APCDD1: variants seen among roughly 807,000 people sequenced by gnomAD.
APCDD1 encodes protein APCDD1.
Under a neutral mutation model 38.1 loss-of-function variants are expected in APCDD1, and 15 were observed. The ratio of observed to expected loss-of-function variants is 0.39; its 90% CI spans 0.26 to 0.61. The LOEUF (loss-of-function observed/expected upper bound fraction) is 0.61. Among genes scored for constraint, APCDD1 ranks in the 20% least tolerant of loss-of-function variants. The pLI is 0.49. For synonymous variants in APCDD1, 261 were observed against 279.7 expected (o/e 0.93, Z 0.67); for missense variants, 647 against 696.2 (o/e 0.93, Z 0.79).
chr18:10,462,629 C>A, intron 1 of APCDD1, among the ~76,000 whole-genome samples: 1 of 42,514 alleles, frequency 2.4e-5, no homozygotes, highest in Non-Finnish European at 5.4e-5. Flanking sequence ...TTCCTTCCCT[C>A]CTTCCTTCCC....
rs1598396616 is a variant in APCDD1 at position 10,468,454 on chromosome 18, A to G, written c.59-15A>G. ...TACTTCTTCTTTTGGCTAACTTTCC[A>G]CCTTTATTTTTCAGGGCTGGGAGAG... On this transcript the variant is annotated splice_polypyrimidine_tract_variant and intron_variant, in intron 1 of 4. Coordinates refer to ENST00000355285, the MANE Select transcript of APCDD1 (RefSeq NM_153000.5). 1 of 1,613,960 alleles carries G rather than the reference A, an allele frequency of 6.2e-7. No individual in the cohort carries two copies. The highest frequency in any genetic ancestry group is 8.5e-7 in the Non-Finnish European group (1 of 1,179,982).
Position 10,487,823 on chromosome 18 carries a change from A to C in APCDD1, c.1330A>C (p.Ser444Arg), listed in dbSNP as rs1299291263. The C allele has an allele frequency of 1.2e-6, 2 of 1,614,052 alleles. No homozygotes were observed. The highest frequency in any genetic ancestry group is 2.2e-5 in the South Asian group (2 of 91,090). ...TCTGCTGTTCAACGGTCAGAGGCCC[A>C]GCGACGGGTCCAGCCCAGACAGGCC... is the stretch of plus-strand genomic sequence containing the variant. ...RYLLFNGQRP[S>R]DGSSPDRPEK... is the part of the protein sequence containing the mutation. The change falls in exon 5 of 5, where the codon AGC (serine) becomes CGC (arginine). Residue 444 changes from serine (S) to arginine (R), a missense_variant. Physicochemically the swap from Ser to Arg is moderately radical, Grantham distance 110. Transcript: ENST00000355285.
In APCDD1 at chr18:10,472,140, G is replaced by A. The variant is rs2030877011; in HGVS notation, c.774+79G>A. On this transcript the variant is annotated intron_variant, in intron 3 of 4. Coordinates refer to ENST00000355285, the MANE Select transcript of APCDD1 (RefSeq NM_153000.5). The surrounding 1 kb of genome is among the most constrained non-coding windows in gnomAD (Gnocchi z 6.6). ...TTAAAGGCTTGCCATGGGGGCTCTA[G>A]GGCACCCTTGAAAGGGGGAATTCTG... 1.9e-6 allele frequency: 3 copies of A among 1,590,458 alleles called. No homozygotes were observed. The South Asian group carries it at 3.3e-5, about 18-fold the overall frequency.
chr18:10,480,162 G>C (rs909628496), intron 3 of APCDD1, among the ~76,000 whole-genome samples: 5 of 152,150 alleles, frequency 3.3e-5, no homozygotes, highest in African/African-American at 1.2e-4. Context: ...GAGCCTGGGA[G>C]AGGACACTTC....
rs2030770529 is a variant in APCDD1 at position 10,468,487 on chromosome 18, C to T, written c.77C>T (p.Ala26Val). The T allele has an allele frequency of 6.2e-7, 1 of 1,614,126 alleles. No homozygotes were observed. Among genetic ancestry groups the T allele is most frequent in the East Asian group, 2.2e-5 (1 of 44,886 alleles). Residue 26 changes from alanine (A) to valine (V), a missense_variant, in exon 2 of 5, where the codon GCC becomes GTC. Physicochemically the swap from Ala to Val is moderately conservative, Grantham distance 64 (BLOSUM62 0). Transcript: ENST00000355285. ...TTTTCAGGGCTGGGAGAGGGTTCTG[C>T]CCTCCTTCATCCAGACAGCAGGTCT... ...LLLHGLGEGSALLHPDSRSHP... is the reference protein window; with the variant it reads ...LLLHGLGEGSVLLHPDSRSHP...
intron 1 of APCDD1, among the ~76,000 whole-genome samples, chr18:10,457,431 T>C (rs1297524003): frequency 6.6e-6 from 1 of 152,228 alleles, no homozygotes; most frequent in African/African-American, 2.4e-5. Flanking sequence ...AGATGGAGTG[T>C]GATCATATAT....
intron 1 of APCDD1, among the ~76,000 whole-genome samples, chr18:10,459,932 G>A (rs2030487707): frequency 6.6e-6 from 1 of 152,160 alleles, no homozygotes; most frequent in South Asian, 2.1e-4. Flanking sequence ...CTTGCAAAAT[G>A]AACAGAAAAG....
rs955474942 is a variant in APCDD1 at position 10,467,508 on chromosome 18, C to T, written c.59-961C>T. Among the ~76,000 whole-genome samples the T allele has an allele frequency of 2.0e-5, 3 of 152,242 alleles. No individual in the cohort carries two copies. The highest frequency in any genetic ancestry group is 4.2e-4 in the South Asian group (2 of 4,814). On this transcript the variant is annotated intron_variant, in intron 1 of 4. Coordinates refer to ENST00000355285, the MANE Select transcript of APCDD1 (RefSeq NM_153000.5). This position sits in a 1 kb window ranked among gnomAD's most constrained non-coding sequence, Gnocchi z 4.8. Reference sequence around the variant, plus strand: ...AGACCGTGGCTTTCAGATAATAATTCCACCAGTTTTAATTGCTTTATTCTG... The same window carrying T: ...AGACCGTGGCTTTCAGATAATAATTTCACCAGTTTTAATTGCTTTATTCTG...
chr18:10,462,228 C>T (rs2030564385), intron 1 of APCDD1, among the ~76,000 whole-genome samples: 1 of 152,146 alleles, frequency 6.6e-6, no homozygotes, highest in Non-Finnish European at 1.5e-5. Flanking sequence ...TAGGTGTACT[C>T]ACACGGGAAT....
chr18:10,472,940 C>G lies in APCDD1; in HGVS notation c.774+879C>G, dbSNP rs1448885093. On this transcript the variant is annotated intron_variant, in intron 3 of 4. Coordinates refer to ENST00000355285, the MANE Select transcript of APCDD1 (RefSeq NM_153000.5). The surrounding 1 kb of genome is among the most constrained non-coding windows in gnomAD (Gnocchi z 6.6). ...GGCAGGAGGGGAGTGGGCTTCTGCC[C>G]AGTGCGTAGTGTGAACGTGCAGACC... Among the ~76,000 whole-genome samples the G allele has an allele frequency of 3.3e-5, 5 of 152,108 alleles. No homozygotes were observed. Among genetic ancestry groups the G allele is most frequent in the Non-Finnish European group, 7.4e-5 (5 of 68,020 alleles).
intron 1 of APCDD1, among the ~76,000 whole-genome samples, chr18:10,460,354 C>G (rs1301323637): frequency 2.0e-5 from 3 of 152,008 alleles, no homozygotes; most frequent in Admixed American, 2.0e-4. Flanking sequence ...GGCGAAACCC[C>G]GTCTCTACTA....
At chr18:10,456,272 G>T (rs1306875211) in intron 1 of APCDD1, among the ~76,000 whole-genome samples, 2 of 152,194 alleles carry the variant, frequency 1.3e-5, no homozygotes, top group Non-Finnish European at 2.9e-5. Flanking sequence ...GGGATGGAAG[G>T]CTTGCAGAGG....
chr18:10,486,361 C>G (rs1053073150), intron 4 of APCDD1, among the ~76,000 whole-genome samples: 1 of 151,966 alleles, frequency 6.6e-6, no homozygotes, highest in Non-Finnish European at 1.5e-5. Flanking sequence ...CTCTAAAAAA[C>G]AAAAAAAGAA....
chr18:10,465,751 G>A (rs1425204068), intron 1 of APCDD1, among the ~76,000 whole-genome samples: 2 of 152,236 alleles, frequency 1.3e-5, no homozygotes, highest in African/African-American at 4.8e-5. Context: ...GCTGCTGCAA[G>A]TGATTCACGG....
chr18:10,454,942 C>T lies in APCDD1; in HGVS notation c.-40C>T, dbSNP rs1445324513. On this transcript the variant is annotated 5_prime_UTR_variant, in exon 1 of 5. Coordinates refer to ENST00000355285, the MANE Select transcript of APCDD1 (RefSeq NM_153000.5). ...GCGCCCAGTTGCCCGGGCACCAAATCGGAGCGCGGCGTGCGGGAGGCCCCA... is the reference window on the plus strand; with the variant it reads ...GCGCCCAGTTGCCCGGGCACCAAATTGGAGCGCGGCGTGCGGGAGGCCCCA... The T allele has an allele frequency of 8.1e-6, 12 of 1,489,108 alleles. No homozygotes were observed. The highest frequency in any genetic ancestry group is 4.5e-5 in the Admixed American group (2 of 44,404). 92.2% of individuals were successfully genotyped at this position (1,489,108 alleles called of 1,614,324 possible).
chr18:10,464,804 T>G (rs2030666715), intron 1 of APCDD1, among the ~76,000 whole-genome samples: 1 of 152,208 alleles, frequency 6.6e-6, no homozygotes, highest in South Asian at 2.1e-4. Flanking sequence ...TCTTCTACAT[T>G]GAGGGTCATC....
In APCDD1 at chr18:10,472,138, T is replaced by C; in HGVS notation, c.774+77T>C. The C allele has an allele frequency of 6.3e-7, 1 of 1,591,130 alleles. No homozygotes were observed. Among genetic ancestry groups the C allele is most frequent in the East Asian group, 2.2e-5 (1 of 44,772 alleles). The stretch of plus-strand genomic sequence containing the variant: ...TCTTAAAGGCTTGCCATGGGGGCTC[T>C]AGGGCACCCTTGAAAGGGGGAATTC... On this transcript the variant is annotated intron_variant, in intron 3 of 4. Transcript: ENST00000355285. This position sits in a 1 kb window ranked among gnomAD's most constrained non-coding sequence, Gnocchi z 6.6.
chr18:10,472,321 G>A lies in APCDD1; in HGVS notation c.774+260G>A, dbSNP rs1398277215. Among the ~76,000 whole-genome samples, 3 of 152,118 alleles carry A rather than the reference G, an allele frequency of 2.0e-5. No homozygotes were observed. Among genetic ancestry groups the A allele is most frequent in the African/African-American group, 7.2e-5 (3 of 41,422 alleles). On this transcript the variant is annotated intron_variant, in intron 3 of 4. Transcript: ENST00000355285. This position sits in a 1 kb window ranked among gnomAD's most constrained non-coding sequence, Gnocchi z 6.6. The stretch of plus-strand genomic sequence containing the variant: ...CGGTTATCCTACTGAAGTGGGTGGT[G>A]GCATGGGATGATGGTTCTAGAAAAT...
In APCDD1 at chr18:10,485,427, A is replaced by C; in HGVS notation, c.775-35A>C. The C allele has an allele frequency of 1.6e-4, 251 of 1,542,550 alleles. No individual in the cohort carries two copies. Among genetic ancestry groups the C allele is most frequent in the Middle Eastern group, 3.4e-4 (2 of 5,904 alleles). On this transcript the variant is annotated intron_variant, in intron 3 of 4. Coordinates refer to ENST00000355285, the MANE Select transcript of APCDD1 (RefSeq NM_153000.5). The surrounding 1 kb of genome is among the most constrained non-coding windows in gnomAD (Gnocchi z 5.8). ...GTGTGCACTGCTCCCTTGGGAAGAT[A>C]GAGGCCTCTGAATGTGTTTGTTTCT...
Sources: gnomAD v4.1 joint callset for allele counts (sites outside exome capture counted in the v4.1 genomes callset) on GRCh38, gnomAD v4.1.1 for gene constraint, Gnocchi (gnomAD v3.1) non-coding constraint, MANE v1.5 for transcripts, NCBI Gene and HGNC (gene_info 2026-07-23, HGNC 2026-07-21) for gene names.